The following ALKBH6 variants were observed in gnomAD, a reference collection of about 807,000 sequenced individuals.
ALKBH6 encodes the protein probable RNA/DNA demethylase ALKBH6.
In ALKBH6, 20 loss-of-function variants were observed where a neutral mutation model predicts 25.1. That is an observed-to-expected ratio of 0.80 (90% CI 0.56 to 1.16). The LOEUF is 1.16. ALKBH6 is among the 50% of genes most tolerant of loss of function. The pLI, the probability that ALKBH6 is intolerant of heterozygous loss-of-function variation, is 0.00. For synonymous variants in ALKBH6, 156 were observed against 147.5 expected (o/e 1.06, Z -0.42); for missense variants, 263 against 326.5 (o/e 0.81, Z 1.50).
At position 36,009,264 on chromosome 19, in the gene ALKBH6, A is replaced by T; in HGVS notation, c.*26T>A. 5.3e-6 allele frequency: 7 copies of T among 1,308,456 alleles called. No homozygotes were observed. Among genetic ancestry groups the T allele is most frequent in the Non-Finnish European group, 6.8e-6 (7 of 1,029,856 alleles). 81.1% of individuals were successfully genotyped at this position (1,308,456 alleles called of 1,614,324 possible). On this transcript the variant is annotated 3_prime_UTR_variant, in exon 7 of 7. Transcript: ENST00000378875. ...AGCCCCAAAGGGGCAGGAACCTGGG[A>T]ATCCGAGGGGTCCCGGCCCTGGCGG...
intron 4 of ALKBH6, 82 bp from the exon 5 acceptor site, chr19:36,011,127 C>A: frequency 6.6e-7 from 1 of 1,523,266 alleles, no homozygotes; most frequent in South Asian, 1.2e-5. Flanking sequence ...TGGAAGCACC[C>A]TGATCCTCTC....
At position 36,010,915 on chromosome 19, in the gene ALKBH6, A is replaced by C; in HGVS notation, c.315T>G (p.Tyr105Ter). The C allele has an allele frequency of 6.2e-7, 1 of 1,613,970 alleles. No homozygotes were observed. Among genetic ancestry groups the C allele is most frequent in the Non-Finnish European group, 8.5e-7 (1 of 1,179,940 alleles). ...TTACCATGATGCCCTCCCCAGGCAG[A>C]TACTGGTTCACGAGGACATGGTTAG... is the stretch of plus-strand genomic sequence containing the variant. ...LPANHVLVNQ[Y>*]LPGEGIMPHE... Residue 105 changes from tyrosine to a stop codon, truncating the protein, a stop_gained, in exon 5 of 7, where the codon TAT becomes TAG. Coordinates refer to ENST00000378875, the MANE Select transcript of ALKBH6 (RefSeq NM_032878.5). LOFTEE classifies it high-confidence loss of function. This position sits in a 1 kb window ranked among gnomAD's most constrained non-coding sequence, Gnocchi z 5.5.
intron 4 of ALKBH6, 80 bp from the exon 5 acceptor site, chr19:36,011,125 C>A (rs969847666): frequency 6.6e-7 from 1 of 1,524,898 alleles, no homozygotes; most frequent in South Asian, 1.2e-5. Flanking sequence ...GCTGGAAGCA[C>A]CCTGATCCTC....
Position 36,013,143 on chromosome 19 carries a change from TATC to T in ALKBH6, c.55-57_55-55del. The T allele has an allele frequency of 2.6e-6, 4 of 1,557,524 alleles. No homozygotes were observed. The highest frequency in any genetic ancestry group is 2.7e-6 in the Non-Finnish European group (3 of 1,129,172). On this transcript the variant is annotated intron_variant, in intron 2 of 6. Coordinates refer to ENST00000378875, the MANE Select transcript of ALKBH6 (RefSeq NM_032878.5). The surrounding 1 kb of genome is among the most constrained non-coding windows in gnomAD (Gnocchi z 4.6). ...GGCCCTTCAACCCACACAGAGGACA[TATC>T]ATCACAGAGCAACCCCTATGCCTGG...
At chr19:36,011,579 T>C (rs1199908450) in intron 3 of ALKBH6, 115 bp from the exon 4 acceptor site, 15 of 1,160,564 alleles carry the variant, frequency 1.3e-5, no homozygotes, top group South Asian at 4.0e-5. Flanking sequence ...TCTGTGTCTG[T>C]GGGACCATTC....
At chr19:36,012,850 C>G (rs1968650169) in intron 3 of ALKBH6, 171 bp downstream of exon 3, 1 of 674,950 alleles carries the variant, frequency 1.5e-6, no homozygotes. Flanking sequence ...CCCCTATTCT[C>G]TAAGCTAGCA....
chr19:36,011,084 C>T, intron 4 of ALKBH6, 39 bp from the exon 5 acceptor site: 1 of 1,561,006 alleles, frequency 6.4e-7, no homozygotes, highest in Non-Finnish European at 8.7e-7. Context: ...CCCCCTATAG[C>T]AATAGATCCC....
At chr19:36,012,489 AAAAAAG>A (rs1372283664) in intron 3 of ALKBH6, 1 of 154,814 alleles carries the variant, frequency 6.5e-6, no homozygotes, top group Non-Finnish European at 1.4e-5. Context: ...CTATCTCAGC[AAAAAAG>A]TCTGTGTTCT....
rs1322356706 is a variant in ALKBH6 at position 36,010,556 on chromosome 19, T to C, written c.453+11A>G. On this transcript the variant is annotated intron_variant, in intron 6 of 6. Coordinates refer to ENST00000378875, the MANE Select transcript of ALKBH6 (RefSeq NM_032878.5). This position sits in a 1 kb window ranked among gnomAD's most constrained non-coding sequence, Gnocchi z 5.5. ...GCCTACAAGCAGCTGGGGCAGTGTC[T>C]GGGGGCCCACCTGTTCTGTAGGGTC... 8.7e-6 allele frequency: 14 copies of C among 1,611,116 alleles called. No homozygotes were observed. The highest frequency in any genetic ancestry group is 1.2e-5 in the Non-Finnish European group (14 of 1,177,874).
chr19:36,010,740 G>T lies in ALKBH6; in HGVS notation c.337-57C>A. ...AGGAGTCCACAACCCCCACCCTCTG[G>T]GTCAAAGGGGGGCTTCCCAAGCCAG... On this transcript the variant is annotated intron_variant, in intron 5 of 6. Transcript: ENST00000378875. The surrounding 1 kb of genome is among the most constrained non-coding windows in gnomAD (Gnocchi z 5.5). 1.9e-6 allele frequency: 3 copies of T among 1,578,726 alleles called. No homozygotes were observed. The highest frequency in any genetic ancestry group is 1.7e-4 in the Middle Eastern group (1 of 5,966).
At position 36,013,811 on chromosome 19, in the gene ALKBH6, T is replaced by G; in HGVS notation, c.-26+364A>C. On this transcript the variant is annotated intron_variant, in intron 1 of 6. Coordinates refer to ENST00000378875, the MANE Select transcript of ALKBH6 (RefSeq NM_032878.5). The surrounding 1 kb of genome is among the most constrained non-coding windows in gnomAD (Gnocchi z 4.6). ...TGAGACCCCGCTTCAGACCTGCAAC[T>G]GTGAGCCCGGCTATCAACACTCAGC... is the stretch of plus-strand genomic sequence containing the variant. 1.6e-6 allele frequency: 2 copies of G among 1,279,068 alleles called. No homozygotes were observed. The highest frequency in any genetic ancestry group is 2.0e-6 in the Non-Finnish European group (2 of 1,011,840). 79.2% of individuals were successfully genotyped at this position (1,279,068 alleles called of 1,614,324 possible).
chr19:36,009,199 G>A lies in ALKBH6; in HGVS notation c.*91C>T, dbSNP rs999454697. On this transcript the variant is annotated 3_prime_UTR_variant, in exon 7 of 7. Transcript: ENST00000378875. ...TTGGGAAAATAAATAACCCAGGGGAGCCCCCTTTGCCCACGGTTCCTAGGT... is the reference window on the plus strand; with the variant it reads ...TTGGGAAAATAAATAACCCAGGGGAACCCCCTTTGCCCACGGTTCCTAGGT... 1.6e-6 allele frequency: 2 copies of A among 1,225,710 alleles called. No homozygotes were observed. Among genetic ancestry groups the A allele is most frequent in the South Asian group, 3.9e-5 (1 of 25,960 alleles). 75.9% of individuals were successfully genotyped at this position (1,225,710 alleles called of 1,614,324 possible). A position where few individuals can be genotyped will look rare whatever the true frequency, so the allele number is the denominator to read the frequency against.
chr19:36,012,871 A>C, intron 3 of ALKBH6, 150 bp downstream of exon 3: 1 of 753,990 alleles, frequency 1.3e-6, no homozygotes, highest in Non-Finnish European at 2.3e-6. Context: ...GGATTGGGCT[A>C]TCTCAGTAGA....
At position 36,009,251 on chromosome 19, in the gene ALKBH6, G is replaced by A; in HGVS notation, c.*39C>T. ...GCGGAGTCACAGCAGCCCCAAAGGG[G>A]CAGGAACCTGGGAATCCGAGGGGTC... On this transcript the variant is annotated 3_prime_UTR_variant, in exon 7 of 7. Transcript: ENST00000378875. The A allele has an allele frequency of 7.7e-7, 1 of 1,294,976 alleles. No individual in the cohort carries two copies. The highest frequency in any genetic ancestry group is 2.3e-5 in the South Asian group (1 of 43,856). 80.2% of individuals were successfully genotyped at this position (1,294,976 alleles called of 1,614,324 possible).
intron 6 of ALKBH6, 40 bp from the exon 7 acceptor site, chr19:36,009,593 G>C (rs941252396): frequency 8.6e-7 from 1 of 1,165,190 alleles, no homozygotes; most frequent in African/African-American, 1.6e-5. Flanking sequence ...TCAAGAAGTC[G>C]GGGGGTGGGG....
At chr19:36,014,149 T>C (rs766540678) in intron 1 of ALKBH6, 26 bp downstream of exon 1, 38 of 1,610,988 alleles carry the variant, frequency 2.4e-5, no homozygotes, top group Non-Finnish European at 3.0e-5. Context: ...CATCCATCTC[T>C]ACCCCCAGCA....
In ALKBH6 at chr19:36,010,846, A is replaced by G; in HGVS notation, c.336+48T>C. The G allele has an allele frequency of 6.2e-7, 1 of 1,610,822 alleles. No homozygotes were observed. Among genetic ancestry groups the G allele is most frequent in the Non-Finnish European group, 8.5e-7 (1 of 1,177,112 alleles). On this transcript the variant is annotated intron_variant, in intron 5 of 6. Coordinates refer to ENST00000378875, the MANE Select transcript of ALKBH6 (RefSeq NM_032878.5). This position sits in a 1 kb window ranked among gnomAD's most constrained non-coding sequence, Gnocchi z 5.5. ...GGTACAGAGTCCCCTGCCCCAGCACAGCTCAGAAGTCTGAGTGGGGGGACA... is the reference window on the plus strand; with the variant it reads ...GGTACAGAGTCCCCTGCCCCAGCACGGCTCAGAAGTCTGAGTGGGGGGACA...
chr19:36,009,250 G>T lies in ALKBH6; in HGVS notation c.*40C>A. 7.7e-7 allele frequency: 1 copy of T among 1,293,888 alleles called. No individual in the cohort carries two copies. The highest frequency in any genetic ancestry group is 9.8e-7 in the Non-Finnish European group (1 of 1,021,994). 80.2% of individuals were successfully genotyped at this position (1,293,888 alleles called of 1,614,324 possible). On this transcript the variant is annotated 3_prime_UTR_variant, in exon 7 of 7. Coordinates refer to ENST00000378875, the MANE Select transcript of ALKBH6 (RefSeq NM_032878.5). ...CGCGGAGTCACAGCAGCCCCAAAGG[G>T]GCAGGAACCTGGGAATCCGAGGGGT...
chr19:36,011,086 A>G (rs1053003908), intron 4 of ALKBH6, 41 bp from the exon 5 acceptor site: 2 of 1,560,442 alleles, frequency 1.3e-6, no homozygotes, highest in Non-Finnish European at 1.7e-6. Context: ...CCCTATAGCA[A>G]TAGATCCCCC....
Sources: gnomAD v4.1 joint callset for allele counts on GRCh38, gnomAD v4.1.1 for gene constraint, Gnocchi (gnomAD v3.1) non-coding constraint, MANE v1.5 for transcripts, NCBI Gene and HGNC (gene_info 2026-07-23, HGNC 2026-07-21) for gene names.